EML1: variants seen among roughly 807,000 people sequenced by gnomAD.
EML1 encodes the protein echinoderm microtubule-associated protein-like 1.
EML1 carries 27 observed loss-of-function variants against 110.4 expected under a neutral mutation model. The ratio of observed to expected loss-of-function variants is 0.24; its 90% CI spans 0.18 to 0.34. The LOEUF (loss-of-function observed/expected upper bound fraction) is 0.34. EML1 is among the 10% of genes least tolerant of loss of function. EML1 has a pLI of 1.00. For missense variants in EML1, 741 were observed against 1,030.9 expected, an observed-to-expected ratio of 0.72 and a Z score of 3.85; for synonymous variants, 344 against 385.8, an observed-to-expected ratio of 0.89 and a Z score of 1.27.
rs114447497 is a variant in EML1, at chr14:99,817,455, C to A, written c.67+23912C>A. 4.4e-3 allele frequency among the ~76,000 whole-genome samples: 674 copies of A among 152,308 alleles called. 4 individuals carry two copies. Among genetic ancestry groups the A allele is most frequent in the African/African-American group, 0.015 (641 of 41,556 alleles). Reference sequence around the variant, plus strand: ...TAGGTGGCAGTGAAGAAGAGCACAGCGACGTGGTGCCTGTCCCGGCTGGTG... The same window carrying A: ...TAGGTGGCAGTGAAGAAGAGCACAGAGACGTGGTGCCTGTCCCGGCTGGTG... On this transcript the variant is annotated intron_variant, in intron 1 of 21. Coordinates refer to ENST00000262233, the MANE Select transcript of EML1 (RefSeq NM_004434.3).
chr14:99,811,094 T>A (rs2058069406), intron 1 of EML1, among the ~76,000 whole-genome samples: 1 of 152,190 alleles, frequency 6.6e-6, no homozygotes, highest in African/African-American at 2.4e-5. Flanking sequence ...TCATACACGG[T>A]TGACCCTTGA....
At chr14:99,931,971 A>C (rs2060377919) in intron 17 of EML1, among the ~76,000 whole-genome samples, 1 of 152,108 alleles carries the variant, frequency 6.6e-6, no homozygotes, top group Non-Finnish European at 1.5e-5. Context: ...ACCTCCTCTG[A>C]GGAAGGGAAC....
chr14:99,814,363 A>C (rs1324228969), intron 1 of EML1, among the ~76,000 whole-genome samples: 3 of 152,032 alleles, frequency 2.0e-5, no homozygotes, highest in Non-Finnish European at 4.4e-5. Context: ...ATAATCTCGA[A>C]CTCCTGGGCT....
chr14:99,894,517 C>A, intron 5 of EML1, 112 bp from the exon 6 acceptor site: 1 of 1,241,468 alleles, frequency 8.1e-7, no homozygotes, highest in Non-Finnish European at 1.0e-6. Context: ...ATTAGAATGA[C>A]AGAAGGGTAA....
chr14:99,937,924 G>C lies in EML1; in HGVS notation c.2191+12G>C. ...ATTCCATGTTTTTGGTAAGTTTGCT[G>C]CAGATTTCACTGGTTCCAACAAAAG... is the stretch of plus-strand genomic sequence containing the variant. On this transcript the variant is annotated intron_variant, in intron 20 of 21. Transcript: ENST00000262233. 1 of 1,611,678 alleles carries C rather than the reference G, an allele frequency of 6.2e-7. No homozygotes were observed. The highest frequency in any genetic ancestry group is 8.5e-7 in the Non-Finnish European group (1 of 1,177,856).
At chr14:99,752,723 C>A (rs1297531149) in intron 1 of EML1, among the ~76,000 whole-genome samples, 2 of 152,182 alleles carry the variant, frequency 1.3e-5, no homozygotes, top group African/African-American at 4.8e-5. Flanking sequence ...AATGGTCTTC[C>A]TGTGTGGCTT....
chr14:99,887,722 GCTGGGTCTGAAGGACCCA>G (rs2059505657), intron 4 of EML1, among the ~76,000 whole-genome samples: 1 of 152,140 alleles, frequency 6.6e-6, no homozygotes, highest in Non-Finnish European at 1.5e-5. Flanking sequence ...TCAAAATAGT[GCTGGGTCTGAAGGACCCA>G]CTCTCAATTT....
At chr14:99,768,890 G>A (rs922126629), upstream of EML1, among the ~76,000 whole-genome samples, 7 of 152,026 alleles carry the variant, frequency 4.6e-5, no homozygotes, top group Non-Finnish European at 7.4e-5. Context: ...TCTAATTTTT[G>A]TATTTTTAGT....
At chr14:99,768,998 G>A (rs551843757), upstream of EML1, among the ~76,000 whole-genome samples, 45 of 152,232 alleles carry the variant, frequency 3.0e-4, 1 homozygote, top group South Asian at 2.1e-4. Context: ...GATTACAGGC[G>A]TAAGCCACCA....
chr14:99,923,605 A>T, intron 17 of EML1, among the ~76,000 whole-genome samples: 1 of 151,448 alleles, frequency 6.6e-6, no homozygotes. Context: ...ATCGATCAGA[A>T]ATGTAAAGGT....
In EML1 at chr14:99,793,449, G is replaced by C; in HGVS notation, c.-28G>C. On this transcript the variant is annotated 5_prime_UTR_variant, in exon 1 of 22. Transcript: ENST00000262233. The stretch of plus-strand genomic sequence containing the variant: ...AGCGGCGGCGGCGCGGCCGGGCCGG[G>C]GAGCGGGCGCGGCCCGGCGGCCTCA... The C allele has an allele frequency of 1.9e-6, 2 of 1,040,814 alleles. No homozygotes were observed. Among genetic ancestry groups the C allele is most frequent in the Non-Finnish European group, 2.3e-6 (2 of 864,916 alleles). 64.5% of individuals were successfully genotyped at this position (1,040,814 alleles called of 1,614,324 possible).
rs1000771025 is a variant in EML1 at position 99,784,028 on chromosome 14, G to A, written c.-27+10015G>A. On this transcript the variant is annotated intron_variant, in intron 1 of 22. Transcript: ENST00000327921. This position sits in a 1 kb window ranked among gnomAD's most constrained non-coding sequence, Gnocchi z 4.5. ...TCATTTGCAATCTACTGCGGTGCCC[G>A]CACTATTGCATGAATTAGAGACAAT... is the stretch of plus-strand genomic sequence containing the variant. 2.0e-5 allele frequency among the ~76,000 whole-genome samples: 3 copies of A among 152,206 alleles called. No homozygotes were observed. The highest frequency in any genetic ancestry group is 4.1e-4 in the South Asian group (2 of 4,834).
chr14:99,791,793 T>C (rs2057676794), upstream of EML1, among the ~76,000 whole-genome samples: 1 of 152,120 alleles, frequency 6.6e-6, no homozygotes, highest in Non-Finnish European at 1.5e-5. Flanking sequence ...CGTTCCTCCA[T>C]CTCCCCCCAA....
chr14:99,824,970 G>A (rs538838413), intron 1 of EML1, among the ~76,000 whole-genome samples: 1 of 152,132 alleles, frequency 6.6e-6, no homozygotes, highest in Non-Finnish European at 1.5e-5. Flanking sequence ...TTTTATGGCT[G>A]TGTAATATTC....
chr14:99,929,930 G>C (rs1221383674), intron 17 of EML1, among the ~76,000 whole-genome samples: 1 of 152,200 alleles, frequency 6.6e-6, no homozygotes, highest in Non-Finnish European at 1.5e-5. Flanking sequence ...CTGATGGCCA[G>C]AGGAAAAGCT....
In EML1 at chr14:99,793,589, GGGCGGC is replaced by G. The variant is rs901577313; in HGVS notation, c.67+51_67+56del. Reference sequence around the variant, plus strand: ...GCCGGGGCGGCGAGCGGCTGGTGGCGGGCGGCGGCGACGGCGACGGCGGGGACCAAG... The same window carrying G: ...GCCGGGGCGGCGAGCGGCTGGTGGCGGGCGACGGCGACGGCGGGGACCAAG... On this transcript the variant is annotated intron_variant, in intron 1 of 21. Coordinates refer to ENST00000262233, the MANE Select transcript of EML1 (RefSeq NM_004434.3). The G allele has an allele frequency of 2.4e-4, 239 of 993,446 alleles. No individual in the cohort carries two copies. In the African/African-American group the frequency reaches 2.5e-3, roughly 11 times the overall value. 61.5% of individuals were successfully genotyped at this position (993,446 alleles called of 1,614,324 possible).
At chr14:99,815,139 C>CTTTTTT (rs57894783) in intron 1 of EML1, among the ~76,000 whole-genome samples, 2 of 96,362 alleles carry the variant, frequency 2.1e-5, no homozygotes, top group Admixed American at 1.1e-4. Flanking sequence ...TGAGGCTTGG[C>CTTTTTT]TTTTTTTTTT....
chr14:99,851,338 C>T (rs564789848), intron 2 of EML1, among the ~76,000 whole-genome samples: 5 of 151,848 alleles, frequency 3.3e-5, no homozygotes, highest in East Asian at 1.9e-4. Context: ...GACAGAGTCT[C>T]GCTCTGTCGC....
intron 1 of EML1, among the ~76,000 whole-genome samples, chr14:99,804,221 T>TTA (rs1427392831): frequency 6.6e-6 from 1 of 152,214 alleles, no homozygotes; most frequent in African/African-American, 2.4e-5. Flanking sequence ...TTGTACTTAA[T>TTA]TATATCTTAC....
Sources: gnomAD v4.1 joint callset for allele counts (sites outside exome capture counted in the v4.1 genomes callset) on GRCh38, gnomAD v4.1.1 for gene constraint, Gnocchi (gnomAD v3.1) non-coding constraint, MANE v1.5 for transcripts, NCBI Gene and HGNC (gene_info 2026-07-23, HGNC 2026-07-21) for gene names.